The following TMEM232 variants were observed in gnomAD, a reference collection of about 807,000 sequenced individuals.
TMEM232 encodes the protein transmembrane protein 232.
TMEM232 carries 80 observed loss-of-function variants against 78.8 expected under a neutral mutation model. That is an observed-to-expected ratio of 1.01 (90% CI 0.85 to 1.22). The LOEUF (loss-of-function observed/expected upper bound fraction) is 1.22, where lower values mean the gene tolerates loss of function less well. Ranked by LOEUF, TMEM232 falls within the 50% of genes most tolerant of loss-of-function variation. The pLI, the probability that TMEM232 is intolerant of heterozygous loss-of-function variation, is 0.00. For synonymous variants in TMEM232, 297 were observed against 254.3 expected (o/e 1.17, Z -1.60); for missense variants, 881 against 742.2 (o/e 1.19, Z -2.17).
intron 10 of TMEM232, among the ~76,000 whole-genome samples, chr5:110,569,436 CAGTTATCATAGA>C (rs1469024342): frequency 1.3e-5 from 2 of 151,732 alleles, no homozygotes; most frequent in Non-Finnish European, 2.9e-5. Context: ...TAAAATAATA[CAGTTATCATAGA>C]AGAGATGAAC....
chr5:110,586,772 A>G (rs1432605873), intron 10 of TMEM232, among the ~76,000 whole-genome samples: 2 of 152,136 alleles, frequency 1.3e-5, no homozygotes, highest in Non-Finnish European at 2.9e-5. Flanking sequence ...GTAGACTTAC[A>G]AAAATAATAA....
At chr5:110,433,950 G>A (rs1239088508) in intron 12 of TMEM232, among the ~76,000 whole-genome samples, 1 of 151,476 alleles carries the variant, frequency 6.6e-6, no homozygotes, top group East Asian at 1.9e-4. Flanking sequence ...CTTTTTCTGT[G>A]ATGTCTTTGC....
intron 12 of TMEM232, among the ~76,000 whole-genome samples, chr5:110,497,803 A>G (rs1765794585): frequency 6.6e-6 from 1 of 152,136 alleles, no homozygotes; most frequent in Admixed American, 6.6e-5. Context: ...TGGGTCATAT[A>G]AGATAAAGTG....
chr5:110,738,268 G>A, upstream of TMEM232: 1 of 1,281,626 alleles, frequency 7.8e-7, no homozygotes, highest in Non-Finnish European at 1.0e-6. Flanking sequence ...ACGCTCTACA[G>A]TAGTCCTCTC....
intron 1 of TMEM232, among the ~76,000 whole-genome samples, chr5:110,721,945 T>G (rs1180595563): frequency 6.6e-6 from 1 of 151,744 alleles, no homozygotes. Context: ...CTGCCCCTGA[T>G]AGTTAGAATC....
rs1554075450 is a variant in TMEM232, at chr5:110,424,803, T to TTA, written c.1797+19_1797+20insTA. 1 of 1,504,358 alleles carries TTA rather than the reference T, an allele frequency of 6.6e-7. No homozygotes were observed. The highest frequency in any genetic ancestry group is 2.5e-5 in the East Asian group (1 of 40,094). The allele number at this position is 1,504,358 out of a possible 1,614,324, so 93.2% of individuals were successfully genotyped here. A position where few individuals can be genotyped will look rare whatever the true frequency, so the allele number is the denominator to read the frequency against. On this transcript the variant is annotated intron_variant, in intron 13 of 13. Coordinates refer to ENST00000455884, the MANE Select transcript of TMEM232 (RefSeq NM_001039763.4). ...AAGGAACAAAGCTTTTGCTGCTAGT[T>TTA]AAAAAAAAATCAATCTTACGTGATG...
In TMEM232 at chr5:110,643,445, C is replaced by T. The variant is rs529754922; in HGVS notation, c.126-1074G>A. 7.9e-5 allele frequency among the ~76,000 whole-genome samples: 12 copies of T among 151,854 alleles called. No homozygotes were observed. The East Asian group carries it at 9.7e-4, about 12-fold the overall frequency. ...ATAGGGAAAATGTAGAGAGAGTATA[C>T]GAGAATTTCAAAGAAAAGTAGGACA... On this transcript the variant is annotated intron_variant, in intron 2 of 13. Transcript: ENST00000455884.
chr5:110,639,429 T>C (rs1423365387), intron 4 of TMEM232, among the ~76,000 whole-genome samples: 5 of 152,094 alleles, frequency 3.3e-5, no homozygotes, highest in Non-Finnish European at 5.9e-5. Flanking sequence ...TTTCACAAGA[T>C]TAGAATTGGA....
intron 2 of TMEM232, among the ~76,000 whole-genome samples, chr5:110,664,010 T>C (rs1356019149): frequency 2.6e-5 from 4 of 152,002 alleles, no homozygotes; most frequent in South Asian, 4.1e-4. Context: ...TATGGTGACA[T>C]GTGCCTGTGA....
intron 11 of TMEM232, among the ~76,000 whole-genome samples, chr5:110,553,163 G>T (rs1198685611): frequency 3.3e-5 from 5 of 152,114 alleles, no homozygotes; most frequent in African/African-American, 1.2e-4. Flanking sequence ...TTGTAGTTGG[G>T]TAGTGTAATC....
chr5:110,525,858 G>A (rs1770507416), intron 12 of TMEM232, among the ~76,000 whole-genome samples: 1 of 150,596 alleles, frequency 6.6e-6, no homozygotes, highest in African/African-American at 2.4e-5. Context: ...TTAGAATAAA[G>A]GACTAGAATA....
chr5:110,646,656 C>T (rs1005515020), intron 2 of TMEM232, among the ~76,000 whole-genome samples: 3 of 151,780 alleles, frequency 2.0e-5, no homozygotes, highest in African/African-American at 7.2e-5. Flanking sequence ...AATTTCTCCA[C>T]TATGAACCCA....
chr5:110,593,020 G>T (rs1018640608), intron 10 of TMEM232, among the ~76,000 whole-genome samples: 1 of 152,156 alleles, frequency 6.6e-6, no homozygotes, highest in South Asian at 2.1e-4. Flanking sequence ...AGAATTGATT[G>T]TTCTTGGATG....
At chr5:110,393,051 A>G (rs879532398) in intron 3 of TMEM232, among the ~76,000 whole-genome samples, 10 of 152,196 alleles carry the variant, frequency 6.6e-5, no homozygotes, top group African/African-American at 1.9e-4. Flanking sequence ...AATAATTTCA[A>G]TTATTTTAAA....
chr5:110,662,032 T>C (rs1276497629), intron 2 of TMEM232, among the ~76,000 whole-genome samples: 1 of 152,198 alleles, frequency 6.6e-6, no homozygotes, highest in Non-Finnish European at 1.5e-5. Context: ...GTTCTTCATA[T>C]ATTCTGGTTA....
At chr5:110,726,788 G>C (rs1341193599), upstream of TMEM232, 2 of 152,186 alleles carry the variant, frequency 1.3e-5, no homozygotes, top group Non-Finnish European at 2.9e-5. Flanking sequence ...CACCACATTT[G>C]TGTTCAATTT....
chr5:110,706,955 A>G (rs1394513152), intron 1 of TMEM232, among the ~76,000 whole-genome samples: 3 of 152,188 alleles, frequency 2.0e-5, no homozygotes. Context: ...AATTCTAAAA[A>G]ATGAGACCTG....
intron 10 of TMEM232, among the ~76,000 whole-genome samples, chr5:110,570,591 T>C (rs1776833273): frequency 6.6e-6 from 1 of 151,908 alleles, no homozygotes; most frequent in Non-Finnish European, 1.5e-5. Context: ...AATAGGTAAA[T>C]TTGGGAAAAG....
At chr5:110,457,123 A>G (rs900390255) in intron 12 of TMEM232, among the ~76,000 whole-genome samples, 1 of 152,168 alleles carries the variant, frequency 6.6e-6, no homozygotes, top group East Asian at 1.9e-4. Flanking sequence ...CAAATCTCTG[A>G]CAAAGGATTT....
Sources: allele counts gnomAD v4.1 joint callset (sites outside exome capture counted in the v4.1 genomes callset), GRCh38; gene constraint gnomAD v4.1.1; transcripts MANE v1.5; gene names NCBI Gene and HGNC (gene_info 2026-07-23, HGNC 2026-07-21).